The following COL26A1 variants were observed in gnomAD, a reference collection of about 807,000 sequenced individuals.
COL26A1 encodes the protein collagen type XXVI alpha 1 chain.
A neutral mutation model predicts 59.3 loss-of-function variants in COL26A1; 41 were observed. The ratio of observed to expected loss-of-function variants is 0.69; its 90% confidence interval spans 0.54 to 0.90. The LOEUF (loss-of-function observed/expected upper bound fraction) is 0.90. Among genes scored for constraint, COL26A1 ranks in the 40% least tolerant of loss-of-function variants. The pLI is 0.00. For synonymous variants in COL26A1, 266 were observed against 256.0 expected (o/e 1.04, Z -0.37); for missense variants, 612 against 602.3 (o/e 1.02, Z -0.17).
chr7:101,548,539 T>C (rs1415967205), intron 8 of COL26A1, among the ~76,000 whole-genome samples: 2 of 151,986 alleles, frequency 1.3e-5, no homozygotes, highest in African/African-American at 2.4e-5. Flanking sequence ...GAAGAGGTGA[T>C]GCTCTGTGTC....
At chr7:101,539,473 G>C (rs1450168300) in intron 4 of COL26A1, among the ~76,000 whole-genome samples, 1 of 152,038 alleles carries the variant, frequency 6.6e-6, no homozygotes, top group Non-Finnish European at 1.5e-5. Context: ...CTGCAGGCGT[G>C]TGCCACCACG....
intron 3 of COL26A1, among the ~76,000 whole-genome samples, chr7:101,516,892 AG>A (rs1795039420): frequency 6.6e-6 from 1 of 152,178 alleles, no homozygotes; most frequent in Admixed American, 6.5e-5. Flanking sequence ...TCCCTAAGAA[AG>A]AGCCAGATCG....
At chr7:101,555,230 ACT>A (rs1795945707) in intron 11 of COL26A1, among the ~76,000 whole-genome samples, 1 of 151,672 alleles carries the variant, frequency 6.6e-6, no homozygotes. Context: ...TGAAATACAG[ACT>A]CTGCCATCAC....
rs1355375812 is a variant in COL26A1, at chr7:101,489,935, CTT to C, written c.385+42150_385+42151del. 2.1e-4 allele frequency among the ~76,000 whole-genome samples: 11 copies of C among 51,916 alleles called. 2 individuals carry two copies. The highest frequency in any genetic ancestry group is 5.9e-4 in the East Asian group (2 of 3,410). 34.1% of individuals were successfully genotyped at this position (51,916 alleles called of 152,430 possible). ...CTTTCTTTCTTGTCTCTCTCTCTCTCTTTCTTTCTTTCTTTCTTTCTGATGGA... is the reference window on the plus strand; with the variant it reads ...CTTTCTTTCTTGTCTCTCTCTCTCTCTCTTTCTTTCTTTCTTTCTGATGGA... On this transcript the variant is annotated intron_variant, in intron 3 of 12. Coordinates refer to ENST00000313669, the MANE Select transcript of COL26A1 (RefSeq NM_001278563.3).
intron 2 of COL26A1, among the ~76,000 whole-genome samples, chr7:101,446,863 A>G (rs1032851990): frequency 5.3e-5 from 8 of 151,250 alleles, no homozygotes; most frequent in Non-Finnish European, 1.0e-4. Context: ...AAAAAAAAAA[A>G]AGAGAGAGAG....
chr7:101,472,841 A>C (rs1562998348), intron 3 of COL26A1, among the ~76,000 whole-genome samples: 1 of 151,934 alleles, frequency 6.6e-6, no homozygotes, highest in African/African-American at 2.4e-5. Flanking sequence ...GAGGGGGTGC[A>C]CTTGTCTCTG....
intron 3 of COL26A1, among the ~76,000 whole-genome samples, chr7:101,492,062 C>T (rs537226544): frequency 2.9e-4 from 44 of 152,036 alleles, no homozygotes; most frequent in Admixed American, 4.6e-4. Context: ...ATGATGAGGG[C>T]AGGGTGCTCA....
rs375408876 is a variant in COL26A1, at chr7:101,398,620, G to A, written c.159-21357G>A. Among the ~76,000 whole-genome samples the A allele has an allele frequency of 2.8e-4, 42 of 152,242 alleles. 1 individual carries two copies. The South Asian group carries it at 6.6e-3, about 24-fold the overall frequency. The stretch of plus-strand genomic sequence containing the variant: ...TGTGTCAGCGGCTGCTTTTCGTCGT[G>A]TGCTTCCGTGAGCCAGACTTTGCAC... On this transcript the variant is annotated intron_variant, in intron 1 of 12. Coordinates refer to ENST00000313669, the MANE Select transcript of COL26A1 (RefSeq NM_001278563.3).
At chr7:101,397,221 G>A (rs1421088207) in intron 1 of COL26A1, among the ~76,000 whole-genome samples, 1 of 152,068 alleles carries the variant, frequency 6.6e-6, no homozygotes, top group Non-Finnish European at 1.5e-5. Context: ...TCTTTGTGTT[G>A]TCTGTGTCTT....
At chr7:101,419,082 TCC>T (rs1562970011) in intron 1 of COL26A1, among the ~76,000 whole-genome samples, 1 of 33,252 alleles carries the variant, frequency 3.0e-5, no homozygotes, top group Non-Finnish European at 5.6e-5. Context: ...CCTCCTCCCC[TCC>T]CCTCCCCTCC....
intron 3 of COL26A1, among the ~76,000 whole-genome samples, chr7:101,471,131 G>A (rs1049120676): frequency 2.0e-5 from 3 of 152,088 alleles, no homozygotes; most frequent in Non-Finnish European, 2.9e-5. Flanking sequence ...ACACTCACTC[G>A]GGCCTTAAGG....
intron 1 of COL26A1, among the ~76,000 whole-genome samples, chr7:101,375,513 T>C (rs776070530): frequency 1.1e-4 from 17 of 151,250 alleles, no homozygotes; most frequent in Non-Finnish European, 2.1e-4. Context: ...CCGGGCAACA[T>C]AGCGAAATCC....
At chr7:101,537,599 C>T (rs946606287) in intron 4 of COL26A1, among the ~76,000 whole-genome samples, 2 of 152,184 alleles carry the variant, frequency 1.3e-5, no homozygotes, top group Admixed American at 6.5e-5. Context: ...GCTCCTCTGC[C>T]CAGGTCTGCA....
chr7:101,391,065 C>A (rs1203786519), intron 1 of COL26A1, among the ~76,000 whole-genome samples: 1 of 152,216 alleles, frequency 6.6e-6, no homozygotes, highest in Non-Finnish European at 1.5e-5. Context: ...GCTGTGGTAA[C>A]AGGAGCCTCA....
Position 101,509,098 on chromosome 7 carries a change from G to A in COL26A1, c.386-23984G>A, listed in dbSNP as rs539255631. Among the ~76,000 whole-genome samples, 5 of 152,194 alleles carry A rather than the reference G, an allele frequency of 3.3e-5. No individual in the cohort carries two copies. In the South Asian group the frequency reaches 8.3e-4, roughly 25 times the overall value. On this transcript the variant is annotated intron_variant, in intron 3 of 12. Coordinates refer to ENST00000313669, the MANE Select transcript of COL26A1 (RefSeq NM_001278563.3). ...AAGGTGAAGGGGGAGCTGATGCGTC[G>A]CATAGCAAAAGAGGGAGCCAGAGAT...
rs3073377 is a variant in COL26A1 at position 101,520,633 on chromosome 7, T to TACAC, written c.386-12422_386-12419dup. Among the ~76,000 whole-genome samples, 93 of 137,298 alleles carry TACAC rather than the reference T, an allele frequency of 6.8e-4. 1 individual carries two copies. Among genetic ancestry groups the TACAC allele is most frequent in the South Asian group, 4.3e-3 (19 of 4,380 alleles). The allele number at this position is 137,298 out of a possible 152,430, so 90.1% of individuals were successfully genotyped here. ...AGGTTGACAGACAAGCACAGACACA[T>TACAC]ACACACACACACACACACACACACA... On this transcript the variant is annotated intron_variant, in intron 3 of 12. Transcript: ENST00000313669.
At chr7:101,555,978 C>T in intron 12 of COL26A1, 107 bp downstream of exon 12, 1 of 886,776 alleles carries the variant, frequency 1.1e-6, no homozygotes, top group Non-Finnish European at 1.7e-6. Flanking sequence ...CCTCCCTTGC[C>T]CCTAGTCTGA....
intron 1 of COL26A1, among the ~76,000 whole-genome samples, chr7:101,387,685 A>G (rs1791612412): frequency 7.3e-6 from 1 of 137,716 alleles, no homozygotes; most frequent in East Asian, 2.0e-4. Context: ...ATATAAAGAG[A>G]GAGATTTTAT....
chr7:101,448,102 G>A lies in COL26A1; in HGVS notation c.385+315G>A, dbSNP rs184293935. Among the ~76,000 whole-genome samples, 9 of 152,324 alleles carry A rather than the reference G, an allele frequency of 5.9e-5. 1 individual carries two copies. Among genetic ancestry groups the A allele is most frequent in the Admixed American group, 4.6e-4 (7 of 15,300 alleles). ...GCCGGTTTCTTCCACTTTTGGCTCC[G>A]ATGCACCCAGAACCCCTGGGGCAGG... On this transcript the variant is annotated intron_variant, in intron 3 of 12. Coordinates refer to ENST00000313669, the MANE Select transcript of COL26A1 (RefSeq NM_001278563.3).
Sources: allele counts gnomAD v4.1 joint callset (sites outside exome capture counted in the v4.1 genomes callset), GRCh38; gene constraint gnomAD v4.1.1; transcripts MANE v1.5; gene names NCBI Gene and HGNC (gene_info 2026-07-23, HGNC 2026-07-21).